CADM2: variants seen among roughly 807,000 people sequenced by gnomAD.
CADM2 encodes cell adhesion molecule 2.
In CADM2, 12 loss-of-function variants were observed where a neutral mutation model predicts 49.8. The ratio of observed to expected loss-of-function variants is 0.24; its 90% CI spans 0.15 to 0.39. CADM2 has a LOEUF of 0.39. CADM2 is among the 10% of genes least tolerant of loss of function. CADM2 has a pLI of 1.00. For missense variants in CADM2, 378 were observed against 492.3 expected (o/e 0.77, Z 2.20); for synonymous variants, 214 against 175.4 (o/e 1.22, Z -1.74).
intron 8 of CADM2, among the ~76,000 whole-genome samples, chr3:86,005,849 C>T (rs1730724084): frequency 1.3e-5 from 2 of 152,106 alleles, no homozygotes. Context: ...CTACCCTCAC[C>T]TCCCCCGCAA....
chr3:85,036,745 A>C (rs1242145280), intron 1 of CADM2, among the ~76,000 whole-genome samples: 1 of 152,168 alleles, frequency 6.6e-6, no homozygotes, highest in African/African-American at 2.4e-5. Flanking sequence ...TCTTATAACA[A>C]TATTTTAAAA....
intron 1 of CADM2, among the ~76,000 whole-genome samples, chr3:85,335,618 G>A (rs946263684): frequency 4.0e-5 from 6 of 151,028 alleles, no homozygotes; most frequent in Non-Finnish European, 7.4e-5. Flanking sequence ...TATACAATAT[G>A]TTATTGGTTT....
chr3:85,344,977 A>G (rs2030426087), intron 1 of CADM2, among the ~76,000 whole-genome samples: 1 of 152,142 alleles, frequency 6.6e-6, no homozygotes, highest in Non-Finnish European at 1.5e-5. Context: ...ATCTAACACT[A>G]TCTGATACAT....
In CADM2 at chr3:85,436,489, C is replaced by T. The variant is rs535953415; in HGVS notation, c.62-290033C>T. On this transcript the variant is annotated intron_variant, in intron 1 of 9. Coordinates refer to ENST00000383699, the MANE Select transcript of CADM2 (RefSeq NM_001167675.2). ...GAGAGAGAGCATCCTTGTCTTGTGC[C>T]GGTTTTCAAAGGGAACACTTCCAGT... Among the ~76,000 whole-genome samples, 79 of 152,056 alleles carry T rather than the reference C, an allele frequency of 5.2e-4. 3 individuals are homozygous for T. In the South Asian group the frequency reaches 0.014, roughly 27 times the overall value.
In CADM2 at chr3:86,067,616, A is replaced by T. The variant is rs1739473740; in HGVS notation, c.*833A>T. 1 of 152,520 alleles carries T rather than the reference A, an allele frequency of 6.6e-6. No individual in the cohort carries two copies. Among genetic ancestry groups the T allele is most frequent in the Non-Finnish European group, 1.5e-5 (1 of 67,936 alleles). 9.4% of individuals were successfully genotyped at this position (152,520 alleles called of 1,614,324 possible). On this transcript the variant is annotated 3_prime_UTR_variant, in exon 10 of 10. Transcript: ENST00000383699. ...AGATTCACCTGCCTAAACAATATTG[A>T]AGTATCCATAGGGCACAATTTTCAG... is the stretch of plus-strand genomic sequence containing the variant.
At chr3:85,689,852 CAT>C (rs1229978011) in intron 1 of CADM2, among the ~76,000 whole-genome samples, 2 of 152,188 alleles carry the variant, frequency 1.3e-5, no homozygotes, top group Non-Finnish European at 1.5e-5. Context: ...TCCCAGAAGA[CAT>C]ACATGAAATA....
At chr3:86,028,225 A>G (rs1309623622) in intron 8 of CADM2, among the ~76,000 whole-genome samples, 1 of 143,186 alleles carries the variant, frequency 7.0e-6, no homozygotes, top group African/African-American at 2.5e-5. Flanking sequence ...AAAGAAGTCA[A>G]AAAAAAAAAA....
At chr3:86,009,134 G>GAT (rs1179084839) in intron 8 of CADM2, among the ~76,000 whole-genome samples, 43 of 140,376 alleles carry the variant, frequency 3.1e-4, no homozygotes, top group East Asian at 4.0e-4. Flanking sequence ...TGTGTATATA[G>GAT]ATATATATAT....
At chr3:85,816,430 A>G (rs1375891047) in intron 3 of CADM2, among the ~76,000 whole-genome samples, 2 of 152,138 alleles carry the variant, frequency 1.3e-5, no homozygotes, top group East Asian at 3.9e-4. Flanking sequence ...GAGCCAGGAA[A>G]TAACTATAAT....
At chr3:85,136,996 G>A (rs187543593) in intron 1 of CADM2, among the ~76,000 whole-genome samples, 13 of 151,848 alleles carry the variant, frequency 8.6e-5, no homozygotes, top group Admixed American at 5.9e-4. Flanking sequence ...GAACAATTAC[G>A]TAAAAATATA....
intron 1 of CADM2, among the ~76,000 whole-genome samples, chr3:85,634,450 A>G (rs9829032): frequency 0.41 from 62,172 of 151,720 alleles, 12,950 homozygotes; most frequent in South Asian, 0.48. Flanking sequence ...AGAAGTATAT[A>G]TAATTGAACC....
At chr3:85,162,365 C>G (rs1309577008) in intron 1 of CADM2, among the ~76,000 whole-genome samples, 1 of 152,106 alleles carries the variant, frequency 6.6e-6, no homozygotes, top group African/African-American at 2.4e-5. Context: ...TGTTCCTGAT[C>G]ATTATGCAAT....
chr3:85,572,259 T>A (rs1030218050), intron 1 of CADM2, among the ~76,000 whole-genome samples: 1 of 152,044 alleles, frequency 6.6e-6, no homozygotes, highest in Non-Finnish European at 1.5e-5. Flanking sequence ...TGCTTTCCAG[T>A]CTGGGCGACA....
intron 1 of CADM2, among the ~76,000 whole-genome samples, chr3:85,663,133 G>A (rs1388377294): frequency 6.6e-6 from 1 of 152,002 alleles, no homozygotes; most frequent in South Asian, 2.1e-4. Context: ...CAAAGTACAC[G>A]ATCTTGGGTA....
At chr3:85,484,755 C>T (rs1247624922) in intron 1 of CADM2, among the ~76,000 whole-genome samples, 1 of 151,934 alleles carries the variant, frequency 6.6e-6, no homozygotes, top group Non-Finnish European at 1.5e-5. Flanking sequence ...CTTTGATATT[C>T]TTTATCCTTA....
At chr3:85,136,923 C>T (rs1361426091) in intron 1 of CADM2, among the ~76,000 whole-genome samples, 1 of 151,892 alleles carries the variant, frequency 6.6e-6, no homozygotes, top group Non-Finnish European at 1.5e-5. Flanking sequence ...ATGTCATTGT[C>T]ATAGGCTGCA....
chr3:85,375,060 A>G (rs1343841132), intron 1 of CADM2, among the ~76,000 whole-genome samples: 2 of 152,236 alleles, frequency 1.3e-5, no homozygotes, highest in Non-Finnish European at 2.9e-5. Context: ...ATAGGAGATT[A>G]CTGTGTGTCA....
intron 1 of CADM2, among the ~76,000 whole-genome samples, chr3:85,414,491 C>T (rs1355887933): frequency 2.0e-5 from 3 of 152,094 alleles, no homozygotes; most frequent in Non-Finnish European, 4.4e-5. Context: ...GTGGAAGCAC[C>T]AACTTCATTT....
At chr3:85,963,409 G>A (rs956450629) in intron 8 of CADM2, among the ~76,000 whole-genome samples, 2 of 151,884 alleles carry the variant, frequency 1.3e-5, no homozygotes, top group Non-Finnish European at 1.5e-5. Flanking sequence ...GGTGTGTCAG[G>A]AAGGTAAGTG....
Sources: gnomAD v4.1 joint callset for allele counts (sites outside exome capture counted in the v4.1 genomes callset) on GRCh38, gnomAD v4.1.1 for gene constraint, MANE v1.5 for transcripts, NCBI Gene and HGNC (gene_info 2026-07-23, HGNC 2026-07-21) for gene names.